Variants in PRKAR2A observed in about 807,000 individuals in gnomAD.
PRKAR2A encodes protein kinase cAMP-dependent type II regulatory subunit alpha.
PRKAR2A carries 29 observed loss-of-function variants against 51.9 expected under a neutral mutation model. The observed-to-expected ratio is 0.56, with a 90% CI of 0.42 to 0.76. PRKAR2A has a LOEUF of 0.76. PRKAR2A is among the 30% of genes least tolerant of loss of function. The pLI, the probability that PRKAR2A is intolerant of heterozygous loss-of-function variation, is 0.00. For missense variants in PRKAR2A, 445 were observed against 512.1 expected, an observed-to-expected ratio of 0.87 and a Z score of 1.26; for synonymous variants, 178 against 186.2, an observed-to-expected ratio of 0.96 and a Z score of 0.36.
At chr3:48,769,282 T>C (rs1258083580) in intron 6 of PRKAR2A, among the ~76,000 whole-genome samples, 2 of 150,646 alleles carry the variant, frequency 1.3e-5, no homozygotes, top group Non-Finnish European at 3.0e-5. Flanking sequence ...TTCAGCCTCC[T>C]GAGTAGCTGG....
intron 1 of PRKAR2A, among the ~76,000 whole-genome samples, chr3:48,836,473 T>C (rs1185842839): frequency 1.9e-5 from 1 of 53,332 alleles, no homozygotes; most frequent in Non-Finnish European, 3.7e-5. Flanking sequence ...AATATATATA[T>C]ATTAAAAAAA....
intron 1 of PRKAR2A, among the ~76,000 whole-genome samples, chr3:48,840,223 C>T (rs2083354363): frequency 6.6e-6 from 1 of 152,128 alleles, no homozygotes; most frequent in Non-Finnish European, 1.5e-5. Flanking sequence ...GGTATGGTGG[C>T]TCATGCCTGT....
intron 4 of PRKAR2A, among the ~76,000 whole-genome samples, chr3:48,788,016 A>T (rs894865627): frequency 1.1e-4 from 17 of 152,138 alleles, no homozygotes; most frequent in African/African-American, 3.9e-4. Flanking sequence ...TTAAATTTTT[A>T]AATGTTTTTA....
chr3:48,773,332 T>C (rs1475737122), intron 5 of PRKAR2A, among the ~76,000 whole-genome samples: 2 of 143,578 alleles, frequency 1.4e-5, no homozygotes, highest in Non-Finnish European at 3.0e-5. Flanking sequence ...TCTTGGAATT[T>C]TCTTTTCTTT....
intron 8 of PRKAR2A, among the ~76,000 whole-genome samples, chr3:48,759,783 T>C (rs556389520): frequency 9.1e-4 from 138 of 152,318 alleles, no homozygotes; most frequent in Non-Finnish European, 1.4e-3. Flanking sequence ...AGCCAGACTG[T>C]ACTGCATTTT....
At chr3:48,841,543 CAAAAAA>C (rs397874491) in intron 1 of PRKAR2A, among the ~76,000 whole-genome samples, 1 of 59,536 alleles carries the variant, frequency 1.7e-5, no homozygotes, top group Non-Finnish European at 3.0e-5. Context: ...GACTCTGTCT[CAAAAAA>C]AAAAAAAAAA....
chr3:48,795,239 C>T (rs1033546990), intron 2 of PRKAR2A, among the ~76,000 whole-genome samples: 2 of 152,076 alleles, frequency 1.3e-5, no homozygotes, highest in Non-Finnish European at 2.9e-5. Flanking sequence ...TCCCAAAGTG[C>T]TGGGATTACA....
intron 1 of PRKAR2A, among the ~76,000 whole-genome samples, chr3:48,820,991 C>T (rs1460374345): frequency 6.6e-6 from 1 of 152,158 alleles, no homozygotes; most frequent in African/African-American, 2.4e-5. Flanking sequence ...TCCAGGCTCC[C>T]TATGTCAGGG....
intron 1 of PRKAR2A, among the ~76,000 whole-genome samples, chr3:48,822,860 T>C (rs1356588670): frequency 6.6e-6 from 1 of 151,990 alleles, no homozygotes; most frequent in East Asian, 1.9e-4. Flanking sequence ...TGAAAACCAC[T>C]GCTATAGGGG....
chr3:48,771,335 C>T (rs541502079), intron 6 of PRKAR2A, among the ~76,000 whole-genome samples: 1 of 152,240 alleles, frequency 6.6e-6, no homozygotes, highest in Admixed American at 6.5e-5. Flanking sequence ...TAGTGAGACT[C>T]TGTCTCAACA....
rs181349556 is a variant in PRKAR2A at position 48,823,149 on chromosome 3, G to A, written c.263-15465C>T. ...TTGAACTCCTGGGCTCAAAGCAATC[G>A]CCCGCCTCAGCCTCCTGAAGTGCTG... On this transcript the variant is annotated intron_variant, in intron 1 of 10. Transcript: ENST00000265563. 2.3e-4 allele frequency among the ~76,000 whole-genome samples: 35 copies of A among 151,740 alleles called. 1 individual carries two copies. In the East Asian group the frequency reaches 2.7e-3, roughly 12 times the overall value.
chr3:48,806,711 C>T (rs756735649), intron 2 of PRKAR2A, among the ~76,000 whole-genome samples: 2 of 151,486 alleles, frequency 1.3e-5, no homozygotes, highest in Non-Finnish European at 2.9e-5. Context: ...GATAAAAGGG[C>T]AAAATATTAC....
intron 1 of PRKAR2A, among the ~76,000 whole-genome samples, chr3:48,832,100 C>T (rs1039478076): frequency 1.3e-5 from 2 of 151,916 alleles, no homozygotes; most frequent in African/African-American, 4.8e-5. Flanking sequence ...TCGAGACCAG[C>T]CTAGCCAACA....
At chr3:48,804,618 G>A (rs2082645624) in intron 2 of PRKAR2A, among the ~76,000 whole-genome samples, 1 of 152,148 alleles carries the variant, frequency 6.6e-6, no homozygotes, top group Non-Finnish European at 1.5e-5. Flanking sequence ...GTCTGGGTAG[G>A]ACAGCAAAGG....
At chr3:48,820,437 C>T (rs2082942630) in intron 1 of PRKAR2A, among the ~76,000 whole-genome samples, 2 of 152,118 alleles carry the variant, frequency 1.3e-5, no homozygotes. Flanking sequence ...AAATACTGTC[C>T]TAAAACAGAG....
intron 6 of PRKAR2A, among the ~76,000 whole-genome samples, chr3:48,765,786 T>TAATCC: frequency 6.7e-6 from 1 of 149,894 alleles, no homozygotes. Flanking sequence ...AACAATCATT[T>TAATCC]AATCCTTAGA....
At position 48,751,029 on chromosome 3, in the gene PRKAR2A, C is replaced by G. The variant is rs931342291; in HGVS notation, c.*556G>C. 1 of 320,654 alleles carries G rather than the reference C, an allele frequency of 3.1e-6. No homozygotes were observed. The highest frequency in any genetic ancestry group is 2.2e-5 in the African/African-American group (1 of 46,128). The allele number at this position is 320,654 out of a possible 1,614,324, so 19.9% of individuals were successfully genotyped here. On this transcript the variant is annotated 3_prime_UTR_variant, in exon 11 of 11. Transcript: ENST00000265563. ...TGTGTGCAGCTGTCAGCAGAAAGTACAATGCCACTGGGCTACATATGTCCA... is the reference window on the plus strand; with the variant it reads ...TGTGTGCAGCTGTCAGCAGAAAGTAGAATGCCACTGGGCTACATATGTCCA...
At chr3:48,819,713 A>G (rs1468960582) in intron 1 of PRKAR2A, among the ~76,000 whole-genome samples, 1 of 152,126 alleles carries the variant, frequency 6.6e-6, no homozygotes, top group Non-Finnish European at 1.5e-5. Context: ...GACAGATGAT[A>G]AGCTCCTATA....
intron 8 of PRKAR2A, among the ~76,000 whole-genome samples, 168 bp downstream of exon 8, chr3:48,764,836 G>T (rs2081914296): frequency 3.3e-5 from 5 of 152,148 alleles, no homozygotes; most frequent in Admixed American, 3.3e-4. Flanking sequence ...TGTTGGCCAG[G>T]CTGGTCTTGA....
Sources: allele counts gnomAD v4.1 joint callset (sites outside exome capture counted in the v4.1 genomes callset), GRCh38; gene constraint gnomAD v4.1.1; transcripts MANE v1.5; gene names NCBI Gene and HGNC (gene_info 2026-07-23, HGNC 2026-07-21).